The following GPR149 variants were observed in gnomAD, a reference collection of about 807,000 sequenced individuals.
GPR149 encodes the protein probable G protein-coupled receptor 149.
A neutral mutation model predicts 50.2 loss-of-function variants in GPR149; 50 were observed. That is an observed-to-expected ratio of 1.00 (90% CI 0.79 to 1.26). The LOEUF is 1.26. Among genes scored for constraint, GPR149 ranks in the 50% most tolerant of loss-of-function variants. GPR149 has a pLI of 0.00. For missense variants in GPR149, 983 were observed against 895.4 expected (o/e 1.10, Z -1.25); for synonymous variants, 405 against 358.2 (o/e 1.13, Z -1.48).
intron 3 of GPR149, chr3:154,354,822 C>T (rs924757335): frequency 3.3e-5 from 17 of 520,774 alleles, no homozygotes; most frequent in Non-Finnish European, 4.1e-5. Context: ...CCTCCCTCCA[C>T]GCACAGTGGC....
At chr3:154,415,050 T>C (rs912478077) in intron 3 of GPR149, among the ~76,000 whole-genome samples, 22 of 151,920 alleles carry the variant, frequency 1.4e-4, no homozygotes, top group African/African-American at 4.6e-4. Context: ...CTCTGTACTA[T>C]TTTTTTGCAA....
At chr3:154,340,794 T>C (rs1576895867) in intron 3 of GPR149, among the ~76,000 whole-genome samples, 1 of 152,164 alleles carries the variant, frequency 6.6e-6, no homozygotes, top group East Asian at 1.9e-4. Flanking sequence ...CCGTCTCGGC[T>C]CACTGCAACC....
chr3:154,393,279 T>C (rs188114023), intron 3 of GPR149, among the ~76,000 whole-genome samples: 79 of 152,078 alleles, frequency 5.2e-4, no homozygotes, highest in Non-Finnish European at 9.0e-4. Context: ...TGGTTCAACA[T>C]ATAAAAATCA....
At chr3:154,389,789 C>T (rs1715123572) in intron 3 of GPR149, among the ~76,000 whole-genome samples, 1 of 152,174 alleles carries the variant, frequency 6.6e-6, no homozygotes, top group Non-Finnish European at 1.5e-5. Context: ...ATTATAGCTA[C>T]CTGGGAGCTA....
chr3:154,421,039 C>G lies in GPR149; in HGVS notation c.1623G>C (p.Gln541His). ...ACAGCAAGAACAACTTTTACTGTAC[C>G]TGACGAGGGGTTCTTTCTGATTTAC... ...CRSKSERTPR[Q>H]RSGYALAIPL... The change falls in exon 3 of 4, where the codon CAG (glutamine) becomes CAC (histidine). Residue 541 changes from glutamine (Q) to histidine (H), a missense_variant and splice_region_variant. Gln to His is a conservative substitution (Grantham distance 24). Transcript: ENST00000389740. The G allele has an allele frequency of 6.3e-7, 1 of 1,591,736 alleles. No individual in the cohort carries two copies. Among genetic ancestry groups the G allele is most frequent in the Non-Finnish European group, 8.5e-7 (1 of 1,169,784 alleles).
Position 154,429,525 on chromosome 3 carries a change from T to G in GPR149, c.91A>C (p.Thr31Pro), listed in dbSNP as rs1476464422. 6.2e-7 allele frequency: 1 copy of G among 1,614,172 alleles called. No individual in the cohort carries two copies. The highest frequency in any genetic ancestry group is 1.1e-5 in the South Asian group (1 of 91,078). The change falls in exon 1 of 4, where the codon ACC becomes CCC. Residue 31 changes from threonine (T) to proline (P), a missense_variant. Thr to Pro is a conservative substitution (Grantham distance 38, BLOSUM62 -1). Transcript: ENST00000389740. ...NSTDLLNPPG[T>P]LNIYLFCLTC... The stretch of plus-strand genomic sequence containing the variant: ...AAGCAAAAAAGATAGATATTCAGGG[T>G]TCCTGGCGGATTTAAAAGGTCCGTA...
At chr3:154,355,376 T>C (rs1339348976) in intron 3 of GPR149, among the ~76,000 whole-genome samples, 1 of 152,212 alleles carries the variant, frequency 6.6e-6, no homozygotes, top group Non-Finnish European at 1.5e-5. Context: ...CAATTCATAC[T>C]TTTTAGCCCT....
In GPR149 at chr3:154,335,699, A is replaced by G. The variant is rs1713639688; in HGVS notation, c.*2000T>C. 1 of 152,122 alleles carries G rather than the reference A, an allele frequency of 6.6e-6. No individual in the cohort carries two copies. Among genetic ancestry groups the G allele is most frequent in the Non-Finnish European group, 1.5e-5 (1 of 67,988 alleles). The allele number at this position is 152,122 out of a possible 1,614,324, so 9.4% of individuals were successfully genotyped here. ...AAATGGGTATTATTGTCTTCTATCT[A>G]TTTCTTAATGCTCTTTAAACCTTGA... On this transcript the variant is annotated 3_prime_UTR_variant, in exon 4 of 4. Coordinates refer to ENST00000389740, the MANE Select transcript of GPR149 (RefSeq NM_001038705.3).
At chr3:154,383,727 C>A (rs1714983164) in intron 3 of GPR149, among the ~76,000 whole-genome samples, 1 of 151,968 alleles carries the variant, frequency 6.6e-6, no homozygotes. Flanking sequence ...TGTGTCCCCC[C>A]AAAATTTGTA....
intron 3 of GPR149, among the ~76,000 whole-genome samples, chr3:154,413,815 A>G: frequency 6.6e-6 from 1 of 152,046 alleles, no homozygotes; most frequent in East Asian, 1.9e-4. Flanking sequence ...ATCTACCCAG[A>G]GGAAAAGGAG....
chr3:154,412,370 G>T (rs1711860029), intron 3 of GPR149, among the ~76,000 whole-genome samples: 2 of 152,018 alleles, frequency 1.3e-5, no homozygotes, highest in African/African-American at 4.8e-5. Flanking sequence ...AAGGAAAAAA[G>T]GGCAAATTGG....
chr3:154,421,107 C>A lies in GPR149; in HGVS notation c.1555G>T (p.Glu519Ter). 6.2e-7 allele frequency: 1 copy of A among 1,613,250 alleles called. No homozygotes were observed. Reference protein sequence around the residue: ...EGPERRLSHEESQKPDLSDWE... With the variant: ...EGPERRLSHE Reference sequence around the variant, plus strand: ...TCTGAAAGATCTGGTTTCTGACTCTCTTCATGAGACAGTCTTCTTTCTGGC... The same window carrying A: ...TCTGAAAGATCTGGTTTCTGACTCTATTCATGAGACAGTCTTCTTTCTGGC... Residue 519 changes from glutamate to a stop codon, truncating the protein, a stop_gained, in exon 3 of 4, where the codon GAG (glutamate) becomes TAG (stop). Transcript: ENST00000389740. LOFTEE classifies it high-confidence loss of function.
intron 3 of GPR149, among the ~76,000 whole-genome samples, chr3:154,371,540 G>A (rs569461040): frequency 1.3e-5 from 2 of 152,174 alleles, no homozygotes; most frequent in African/African-American, 2.4e-5. Flanking sequence ...AAAATTAAAT[G>A]ATGACATGGA....
intron 3 of GPR149, among the ~76,000 whole-genome samples, chr3:154,340,608 G>C (rs1713768258): frequency 6.6e-6 from 1 of 152,228 alleles, no homozygotes; most frequent in South Asian, 2.1e-4. Flanking sequence ...TAGTAATTGA[G>C]AGATAGTTAC....
intron 3 of GPR149, among the ~76,000 whole-genome samples, chr3:154,377,670 C>T (rs1250966712): frequency 6.6e-6 from 1 of 152,042 alleles, no homozygotes; most frequent in Admixed American, 6.6e-5. Flanking sequence ...CCGGCCCACT[C>T]TGCAATTATT....
chr3:154,403,804 TGCCA>T (rs1711606850), intron 3 of GPR149, among the ~76,000 whole-genome samples: 1 of 150,092 alleles, frequency 6.7e-6, no homozygotes, highest in Admixed American at 6.6e-5. Context: ...AAAAAAGAGC[TGCCA>T]GCATGTAAAT....
rs72996701 is a variant in GPR149 at position 154,339,155 on chromosome 3, G to A, written c.1624-884C>T. On this transcript the variant is annotated intron_variant, in intron 3 of 3. Transcript: ENST00000389740. Reference sequence around the variant, plus strand: ...CTAGAGCAGTAATTCTCAAAACTGAGTTTCCAACCCAGCATCGTCAGCAGC... The same window carrying A: ...CTAGAGCAGTAATTCTCAAAACTGAATTTCCAACCCAGCATCGTCAGCAGC... Among the ~76,000 whole-genome samples, 853 of 152,284 alleles carry A rather than the reference G, an allele frequency of 5.6e-3. 12 individuals are homozygous for A. Among genetic ancestry groups the A allele is most frequent in the African/African-American group, 0.02 (813 of 41,556 alleles).
intron 3 of GPR149, among the ~76,000 whole-genome samples, chr3:154,418,086 A>G (rs993717899): frequency 2.0e-5 from 3 of 147,682 alleles, no homozygotes; most frequent in Non-Finnish European, 4.5e-5. Context: ...ACTGGCCATC[A>G]GAGAAATGCA....
chr3:154,407,730 A>T (rs1046763222), intron 3 of GPR149, among the ~76,000 whole-genome samples: 1 of 152,120 alleles, frequency 6.6e-6, no homozygotes, highest in Non-Finnish European at 1.5e-5. Flanking sequence ...ATATATATAT[A>T]TATATTTCCT....
Sources: gnomAD v4.1 joint callset for allele counts (sites outside exome capture counted in the v4.1 genomes callset) on GRCh38, gnomAD v4.1.1 for gene constraint, MANE v1.5 for transcripts, NCBI Gene and HGNC (gene_info 2026-07-23, HGNC 2026-07-21) for gene names.